Variants in NUP98 observed in about 807,000 individuals in gnomAD.
The protein encoded by NUP98 is nucleoporin 98 and 96 precursor.
In NUP98, 26 loss-of-function variants were observed where a neutral mutation model predicts 191.9. That is an observed-to-expected ratio of 0.14 (90% CI 0.10 to 0.19). NUP98 has a LOEUF of 0.19. NUP98 is among the 10% of genes least tolerant of loss of function. The pLI is 1.00. For missense variants in NUP98, 1,941 were observed against 2,178.8 expected (o/e 0.89, Z 2.17); for synonymous variants, 808 against 778.4 (o/e 1.04, Z -0.63).
intron 5 of NUP98, 94 bp from the exon 6 acceptor site, chr11:3,773,833 T>A (rs1281348113): frequency 1.5e-6 from 1 of 672,158 alleles, no homozygotes; most frequent in Non-Finnish European, 2.6e-6. Flanking sequence ...CTAAAACTAG[T>A]CCCCCCAGGT....
chr11:3,744,529 C>T lies in NUP98; in HGVS notation c.1388G>A (p.Gly463Glu), dbSNP rs1276766513. ...FNTTTATLGF[G>E]APQAPVALTD... Reference sequence around the variant, plus strand: ...CTTACCTACTGGGGCCTGGGGGGCTCCAAAGCCCAAAGTGGCTGTCGTAGT... The same window carrying T: ...CTTACCTACTGGGGCCTGGGGGGCTTCAAAGCCCAAAGTGGCTGTCGTAGT... Residue 463 changes from glycine to glutamate, a missense_variant, in exon 12 of 33, where the codon GGA (glycine) becomes GAA (glutamate). Physicochemically the swap from Gly to Glu is moderately conservative, Grantham distance 98. This residue lies in a region of NUP98 where 453 missense variants were observed against 438.2 expected (regional missense o/e 1.03). Transcript: ENST00000324932. The T allele has an allele frequency of 1.2e-6, 2 of 1,612,744 alleles. No homozygotes were observed. The highest frequency in any genetic ancestry group is 1.7e-6 in the Non-Finnish European group (2 of 1,179,466).
chr11:3,709,813 TGTGGG>T (rs1270253348), intron 20 of NUP98, among the ~76,000 whole-genome samples: 3 of 36,336 alleles, frequency 8.3e-5, no homozygotes, highest in Admixed American at 8.1e-4. Context: ...TGGGGACTGT[TGTGGG>T]GTGGGGGGAG....
intron 27 of NUP98, among the ~76,000 whole-genome samples, chr11:3,692,622 CA>C (rs1437562163): frequency 3.3e-5 from 5 of 152,014 alleles, no homozygotes; most frequent in Non-Finnish European, 4.4e-5. Context: ...ACAGACAACC[CA>C]AAGGATCTAT....
intron 11 of NUP98, among the ~76,000 whole-genome samples, chr11:3,748,267 A>G (rs1235759646): frequency 6.6e-6 from 1 of 152,212 alleles, no homozygotes; most frequent in African/African-American, 2.4e-5. Context: ...TTCTGATCAC[A>G]TAAAAATAAA....
chr11:3,758,867 C>T (rs541776694), intron 10 of NUP98, among the ~76,000 whole-genome samples: 25 of 152,230 alleles, frequency 1.6e-4, no homozygotes, highest in African/African-American at 5.5e-4. Context: ...TGCCTCAAAA[C>T]GGTTGTTTCA....
chr11:3,680,472 C>T (rs2077949395), intron 30 of NUP98, among the ~76,000 whole-genome samples: 1 of 152,194 alleles, frequency 6.6e-6, no homozygotes, highest in Admixed American at 6.5e-5. Context: ...TCCATGAGGG[C>T]TGGATTCAAT....
At chr11:3,679,507 G>A in intron 31 of NUP98, 47 bp downstream of exon 31, 15 of 1,607,596 alleles carry the variant, frequency 9.3e-6, no homozygotes, top group Non-Finnish European at 1.1e-5. Context: ...AAGATTTAAG[G>A]GCCTGAGAAA....
At chr11:3,759,547 A>T (rs938539927) in intron 10 of NUP98, among the ~76,000 whole-genome samples, 1 of 152,100 alleles carries the variant, frequency 6.6e-6, no homozygotes, top group Non-Finnish European at 1.5e-5. Flanking sequence ...CAGTGAGCCA[A>T]GATCGAGATC....
intron 2 of NUP98, among the ~76,000 whole-genome samples, chr11:3,780,450 G>C (rs1393926811): frequency 6.7e-6 from 1 of 148,612 alleles, no homozygotes; most frequent in African/African-American, 2.5e-5. Context: ...GCTGAGGCAG[G>C]AGAATTGCTT....
At chr11:3,751,088 A>G (rs1165132727) in intron 11 of NUP98, among the ~76,000 whole-genome samples, 4 of 151,694 alleles carry the variant, frequency 2.6e-5, no homozygotes, top group Non-Finnish European at 5.9e-5. Flanking sequence ...GCCGGGCACG[A>G]TGGCTCACAC....
Position 3,725,219 on chromosome 11 carries a change from C to A in NUP98, c.1731G>T (p.Lys577Asn). 1 of 1,406,588 alleles carries A rather than the reference C, an allele frequency of 7.1e-7. No individual in the cohort carries two copies. The highest frequency in any genetic ancestry group is 1.0e-6 in the Non-Finnish European group (1 of 999,804). The allele number at this position is 1,406,588 out of a possible 1,614,324, so 87.1% of individuals were successfully genotyped here. A position where few individuals can be genotyped will look rare whatever the true frequency, so the allele number is the denominator to read the frequency against. Residue 577 changes from lysine (K) to asparagine (N), a missense_variant and splice_region_variant, in exon 15 of 33, where the codon AAG becomes AAT. Transcript: ENST00000324932. ...TCAAAACCAACTTCTTAATGCTCTT[C>A]CTATAAACAAGAAACCAAAAGAAGA... is the stretch of plus-strand genomic sequence containing the variant. The part of the protein sequence containing the change: ...PSLANGAFMP[K>N]KSIKKLVLKN...
At chr11:3,688,392 C>T (rs1428703916) in intron 28 of NUP98, among the ~76,000 whole-genome samples, 3 of 148,670 alleles carry the variant, frequency 2.0e-5, no homozygotes, top group Non-Finnish European at 4.5e-5. Context: ...GGCGACAGAG[C>T]GAGACTCCAT....
rs1431053609 is a variant in NUP98 at position 3,709,824 on chromosome 11, G to A, written c.2742+2740C>T. Among the ~76,000 whole-genome samples, 7 of 4,966 alleles carry A rather than the reference G, an allele frequency of 1.4e-3. 1 individual carries two copies. Among genetic ancestry groups the A allele is most frequent in the African/African-American group, 2.5e-3 (5 of 1,984 alleles). 3.3% of individuals were successfully genotyped at this position (4,966 alleles called of 152,430 possible). A position where few individuals can be genotyped will look rare whatever the true frequency, so the allele number is the denominator to read the frequency against. ...ACTCTGGGGACTGTTGTGGGGTGGGGGGAGGGGGGAGGGGGGAGGGTATAG... is the reference window on the plus strand; with the variant it reads ...ACTCTGGGGACTGTTGTGGGGTGGGAGGAGGGGGGAGGGGGGAGGGTATAG... On this transcript the variant is annotated intron_variant, in intron 20 of 32. Coordinates refer to ENST00000324932, the MANE Select transcript of NUP98 (RefSeq NM_016320.5).
At chr11:3,759,492 G>C (rs1053488523) in intron 10 of NUP98, among the ~76,000 whole-genome samples, 1 of 152,096 alleles carries the variant, frequency 6.6e-6, no homozygotes, top group Non-Finnish European at 1.5e-5. Context: ...AGCGACTCGG[G>C]AGGCTGAGGC....
At chr11:3,795,563 A>T (rs2134005126) in intron 1 of NUP98, among the ~76,000 whole-genome samples, 1 of 152,342 alleles carries the variant, frequency 6.6e-6, no homozygotes, top group East Asian at 1.9e-4. Context: ...ACTGTTAGGT[A>T]TAACTCCTCC....
intron 11 of NUP98, among the ~76,000 whole-genome samples, chr11:3,748,048 T>A (rs61877597): frequency 6.6e-6 from 1 of 152,210 alleles, no homozygotes; most frequent in African/African-American, 2.4e-5. Flanking sequence ...GAGAGGCATG[T>A]ATAAGGAATA....
At chr11:3,774,237 A>C (rs1026324253) in intron 5 of NUP98, among the ~76,000 whole-genome samples, 5 of 147,258 alleles carry the variant, frequency 3.4e-5, no homozygotes, top group Non-Finnish European at 7.6e-5. Context: ...GTCTCTACTA[A>C]AAAATAAAAA....
At chr11:3,711,072 C>A (rs966544122) in intron 20 of NUP98, among the ~76,000 whole-genome samples, 1 of 152,010 alleles carries the variant, frequency 6.6e-6, no homozygotes, top group African/African-American at 2.4e-5. Flanking sequence ...ATGGCAAAAT[C>A]CCCTCTCTAC....
intron 12 of NUP98, among the ~76,000 whole-genome samples, chr11:3,740,226 C>CTAAGCCAGGCGCGGTGGCTCACACCTG (rs1402674377): frequency 1.3e-5 from 2 of 151,948 alleles, no homozygotes; most frequent in African/African-American, 4.8e-5. Flanking sequence ...AATGGAAAGT[C>CTAAGCCAGGCGCGGTGGCTCACACCTG]TAAGCCAGGC....
Sources: allele counts gnomAD v4.1 joint callset (sites outside exome capture counted in the v4.1 genomes callset), GRCh38; gene constraint gnomAD v4.1.1; regional missense constraint gnomAD v4.1.1; transcripts MANE v1.5; gene names NCBI Gene and HGNC (gene_info 2026-07-23, HGNC 2026-07-21).